The following NAV3 variants were observed in gnomAD, a reference collection of about 807,000 sequenced individuals.
The protein encoded by NAV3 is neuron navigator 3.
In NAV3, 87 loss-of-function variants were observed where a neutral mutation model predicts 244.7. The ratio of observed to expected loss-of-function variants is 0.36; its 90% CI spans 0.30 to 0.42. NAV3 has a LOEUF of 0.42. NAV3 is among the 20% of genes least tolerant of loss of function. The pLI is 1.00. For synonymous variants in NAV3, 1,126 were observed against 1,042.2 expected, an observed-to-expected ratio of 1.08 and a Z score of -1.55; for missense variants, 2,663 against 2,893.3, an observed-to-expected ratio of 0.92 and a Z score of 1.83.
chr12:78,154,303 A>T (rs1469948162), intron 22 of NAV3, among the ~76,000 whole-genome samples: 1 of 140,500 alleles, frequency 7.1e-6, no homozygotes, highest in African/African-American at 2.6e-5. Context: ...ATATTACTAT[A>T]TAATATATAG....
intron 2 of NAV3, among the ~76,000 whole-genome samples, chr12:77,583,109 G>A (rs1869444349): frequency 6.6e-6 from 1 of 152,278 alleles, no homozygotes; most frequent in South Asian, 2.1e-4. Context: ...TCCTCAGAAT[G>A]TATACATTCA....
intron 9 of NAV3, among the ~76,000 whole-genome samples, chr12:78,032,711 T>C (rs1879202391): frequency 6.6e-6 from 1 of 152,214 alleles, no homozygotes; most frequent in Admixed American, 6.5e-5. Flanking sequence ...ATTACAGTGC[T>C]GGCTGAATTA....
chr12:77,598,947 A>T (rs1411850252), intron 2 of NAV3, among the ~76,000 whole-genome samples: 3 of 151,954 alleles, frequency 2.0e-5, no homozygotes, highest in Non-Finnish European at 4.4e-5. Flanking sequence ...AATCTCTAGA[A>T]CATATTCACC....
At chr12:77,930,751 C>T (rs1328305216) in intron 1 of NAV3, among the ~76,000 whole-genome samples, 2 of 152,012 alleles carry the variant, frequency 1.3e-5, no homozygotes, top group Admixed American at 6.6e-5. Context: ...ATTTTTTTCT[C>T]TTAGAATGTT....
chr12:77,838,152 C>A (rs1030787229), intron 1 of NAV3, among the ~76,000 whole-genome samples: 7 of 152,196 alleles, frequency 4.6e-5, no homozygotes, highest in African/African-American at 1.7e-4. Flanking sequence ...ATGATTATTT[C>A]TTTTTCTAGT....
intron 2 of NAV3, among the ~76,000 whole-genome samples, chr12:77,817,611 T>G (rs1255329521): frequency 6.6e-6 from 1 of 152,154 alleles, no homozygotes; most frequent in Admixed American, 6.5e-5. Flanking sequence ...TTTTCTTCTT[T>G]TCAGAAGCTC....
intron 2 of NAV3, among the ~76,000 whole-genome samples, chr12:77,749,610 A>G (rs1177040485): frequency 1.3e-5 from 2 of 152,214 alleles, no homozygotes; most frequent in African/African-American, 2.4e-5. Flanking sequence ...AGGTTCAGCT[A>G]GGCTTTTTTT....
chr12:77,589,427 A>G (rs931275107), intron 2 of NAV3, among the ~76,000 whole-genome samples: 1 of 152,136 alleles, frequency 6.6e-6, no homozygotes, highest in Non-Finnish European at 1.5e-5. Flanking sequence ...CTATAAGGAC[A>G]TACCTAAAAC....
intron 2 of NAV3, chr12:77,783,450 A>G (rs1369369270): frequency 6.6e-6 from 1 of 152,082 alleles, no homozygotes; most frequent in African/African-American, 2.4e-5. Context: ...CCTACCATGG[A>G]AGGGTGTGGT....
In NAV3 at chr12:78,156,095, C is replaced by G. The variant is rs576901809; in HGVS notation, c.4786-3108C>G. On this transcript the variant is annotated intron_variant, in intron 22 of 39. Transcript: ENST00000397909. The stretch of plus-strand genomic sequence containing the variant: ...TTACCTATGTCTTGAATAATATTGC[C>G]CAGATTTTGTTCTAGGGTTTTTATA... Among the ~76,000 whole-genome samples the G allele has an allele frequency of 2.0e-5, 3 of 152,022 alleles. No homozygotes were observed. In the East Asian group the frequency reaches 5.8e-4, roughly 29 times the overall value.
chr12:78,006,384 G>T (rs377539920), intron 7 of NAV3, 35 bp from the exon 8 acceptor site: 129 of 1,571,168 alleles, frequency 8.2e-5, no homozygotes, highest in Middle Eastern at 5.2e-4. Flanking sequence ...AAGATTAATC[G>T]CCTTTTCTTT....
intron 11 of NAV3, among the ~76,000 whole-genome samples, chr12:78,055,738 A>G (rs1036600727): frequency 6.6e-6 from 1 of 152,196 alleles, no homozygotes; most frequent in Non-Finnish European, 1.5e-5. Flanking sequence ...AGTCATGCAT[A>G]TGAGTTCTGC....
At chr12:77,621,881 A>G (rs1390177641) in intron 2 of NAV3, among the ~76,000 whole-genome samples, 2 of 152,088 alleles carry the variant, frequency 1.3e-5, no homozygotes, top group African/African-American at 4.8e-5. Flanking sequence ...TATAATTAAT[A>G]TTTCACTACC....
At chr12:77,939,733 A>G (rs1344816700) in intron 1 of NAV3, among the ~76,000 whole-genome samples, 2 of 152,110 alleles carry the variant, frequency 1.3e-5, no homozygotes, top group African/African-American at 4.8e-5. Context: ...CTGTGTAATA[A>G]CTCCATTTGC....
At chr12:77,627,370 C>T (rs1871679764) in intron 2 of NAV3, among the ~76,000 whole-genome samples, 1 of 152,004 alleles carries the variant, frequency 6.6e-6, no homozygotes, top group Non-Finnish European at 1.5e-5. Context: ...AATTGATAAA[C>T]TACTAGCTAG....
chr12:77,956,893 C>T (rs1468946192), intron 3 of NAV3, among the ~76,000 whole-genome samples: 8 of 152,018 alleles, frequency 5.3e-5, no homozygotes, highest in African/African-American at 1.2e-4. Context: ...CAGGCACATG[C>T]GACCACACCC....
intron 2 of NAV3, among the ~76,000 whole-genome samples, chr12:77,722,265 A>C (rs1303642505): frequency 6.6e-6 from 1 of 152,054 alleles, no homozygotes; most frequent in Non-Finnish European, 1.5e-5. Context: ...TGACTAACAT[A>C]CTTTATTTGA....
At chr12:77,979,655 C>T (rs1254611639) in intron 5 of NAV3, among the ~76,000 whole-genome samples, 1 of 149,948 alleles carries the variant, frequency 6.7e-6, no homozygotes, top group Non-Finnish European at 1.5e-5. Flanking sequence ...CCCCAAGTGC[C>T]TCCCTCTTTC....
chr12:77,690,904 G>C (rs2137156949), intron 2 of NAV3, among the ~76,000 whole-genome samples: 1 of 150,688 alleles, frequency 6.6e-6, no homozygotes, highest in Admixed American at 6.6e-5. Context: ...CTTTAGTTTT[G>C]ATTGCTAAAG....
Sources: gnomAD v4.1 joint callset for allele counts (sites outside exome capture counted in the v4.1 genomes callset) on GRCh38, gnomAD v4.1.1 for gene constraint, MANE v1.5 for transcripts, NCBI Gene and HGNC (gene_info 2026-07-23, HGNC 2026-07-21) for gene names.